The following ANO2 variants were observed in gnomAD, a reference collection of about 807,000 sequenced individuals.
ANO2 encodes anoctamin-2.
A neutral mutation model predicts 124.2 loss-of-function variants in ANO2; 101 were observed. The ratio of observed to expected loss-of-function variants is 0.81; its 90% CI spans 0.69 to 0.96. The LOEUF is 0.96. Ranked by LOEUF, ANO2 falls within the 40% of genes least tolerant of loss-of-function variation. The probability of loss-of-function intolerance (pLI) is 0.00; values close to 1 mark genes in which losing one functional copy is unlikely to be tolerated. For synonymous variants in ANO2, 486 were observed against 482.5 expected, an observed-to-expected ratio of 1.01 and a Z score of -0.09; for missense variants, 1,293 against 1,274.5, an observed-to-expected ratio of 1.01 and a Z score of -0.22.
intron 14 of ANO2, among the ~76,000 whole-genome samples, chr12:5,690,184 C>T (rs1291883402): frequency 3.3e-5 from 5 of 152,118 alleles, no homozygotes; most frequent in Admixed American, 6.5e-5. Context: ...GGATTGAAGG[C>T]GGACACCAAC....
At chr12:5,804,902 T>C (rs1433027644) in intron 9 of ANO2, among the ~76,000 whole-genome samples, 1 of 151,912 alleles carries the variant, frequency 6.6e-6, no homozygotes, top group Non-Finnish European at 1.5e-5. Flanking sequence ...TGGATGGTGA[T>C]CACCATTTAA....
chr12:5,678,195 G>T (rs1188971146), intron 14 of ANO2, among the ~76,000 whole-genome samples: 3 of 152,144 alleles, frequency 2.0e-5, no homozygotes, highest in African/African-American at 7.2e-5. Flanking sequence ...AGGTTCCTGG[G>T]GTGGCCTTAA....
At chr12:5,644,349 C>T (rs1280487335) in intron 15 of ANO2, among the ~76,000 whole-genome samples, 1 of 152,196 alleles carries the variant, frequency 6.6e-6, no homozygotes, top group Non-Finnish European at 1.5e-5. Context: ...TTCCATTGGT[C>T]TCATCATCTC....
At chr12:5,823,544 C>A (rs1211148690) in intron 7 of ANO2, among the ~76,000 whole-genome samples, 1 of 152,246 alleles carries the variant, frequency 6.6e-6, no homozygotes, top group Admixed American at 6.5e-5. Context: ...TTCCCATGGT[C>A]TTGGGCAGCT....
intron 20 of ANO2, among the ~76,000 whole-genome samples, chr12:5,593,377 T>G (rs1206238392): frequency 6.6e-6 from 1 of 152,178 alleles, no homozygotes; most frequent in Non-Finnish European, 1.5e-5. Flanking sequence ...GATAAACAGA[T>G]GACAAAAAGA....
chr12:5,626,476 C>T (rs1945412449), intron 16 of ANO2, among the ~76,000 whole-genome samples: 1 of 152,120 alleles, frequency 6.6e-6, no homozygotes, highest in African/African-American at 2.4e-5. Context: ...CGCAGTCCAG[C>T]CTCTCCCATC....
At chr12:5,824,390 C>G (rs1396769070) in intron 7 of ANO2, among the ~76,000 whole-genome samples, 1 of 152,160 alleles carries the variant, frequency 6.6e-6, no homozygotes, top group Non-Finnish European at 1.5e-5. Context: ...TACCCTAAAC[C>G]ATCTTTGTCA....
rs547686105 is a variant in ANO2 at position 5,565,766 on chromosome 12, ATGCCCT to A, written c.2622-109_2622-104del. ...GGGCTGGCTGGAGCATCAGGCACGC[ATGCCCT>A]TGGCATTGACTTGAGAAGCAGGGGG... is the stretch of plus-strand genomic sequence containing the variant. On this transcript the variant is annotated intron_variant, in intron 23 of 24. Transcript: ENST00000682330. The A allele has an allele frequency of 1.4e-4, 123 of 902,590 alleles. No homozygotes were observed. In the African/African-American group the frequency reaches 2.0e-3, roughly 15 times the overall value. The allele number at this position is 902,590 out of a possible 1,614,324, so 55.9% of individuals were successfully genotyped here.
chr12:5,848,868 C>T (rs2137245324), intron 4 of ANO2, among the ~76,000 whole-genome samples: 1 of 152,344 alleles, frequency 6.6e-6, no homozygotes, highest in South Asian at 2.1e-4. Flanking sequence ...ACCAATTGCG[C>T]TGCCTGCACA....
intron 14 of ANO2, among the ~76,000 whole-genome samples, chr12:5,704,520 AG>A (rs1565588516): frequency 2.0e-5 from 3 of 152,214 alleles, no homozygotes; most frequent in Non-Finnish European, 4.4e-5. Context: ...GAGGGAGAAT[AG>A]CCTTTTACTG....
intron 1 of ANO2, among the ~76,000 whole-genome samples, chr12:5,938,750 G>A (rs535610519): frequency 2.0e-5 from 3 of 152,050 alleles, no homozygotes; most frequent in Non-Finnish European, 2.9e-5. Flanking sequence ...GCTTGAACCC[G>A]GGAGGCAGAG....
chr12:5,678,456 C>T (rs2215736), intron 14 of ANO2, among the ~76,000 whole-genome samples: 76,323 of 151,914 alleles, frequency 0.5, 21,148 homozygotes, highest in Middle Eastern at 0.62. Flanking sequence ...AAGCCAAATT[C>T]TCGGCCTTCT....
intron 10 of ANO2, among the ~76,000 whole-genome samples, chr12:5,798,214 A>G (rs148178492): frequency 2.6e-4 from 40 of 152,024 alleles, no homozygotes; most frequent in Non-Finnish European, 5.1e-4. Context: ...GGCCCATGCC[A>G]CATGAAAGGC....
chr12:5,618,530 C>G (rs1944953920), intron 16 of ANO2, among the ~76,000 whole-genome samples: 1 of 152,184 alleles, frequency 6.6e-6, no homozygotes. Context: ...CAAGATCACA[C>G]AGCAGATAAG....
In ANO2 at chr12:5,925,054, A is replaced by G. The variant is rs898174108; in HGVS notation, c.23-2250T>C. Among the ~76,000 whole-genome samples, 5 of 152,012 alleles carry G rather than the reference A, an allele frequency of 3.3e-5. No homozygotes were observed. The highest frequency in any genetic ancestry group is 1.2e-4 in the African/African-American group (5 of 41,370). On this transcript the variant is annotated intron_variant, in intron 1 of 24. Transcript: ENST00000682330. This position sits in a 1 kb window ranked among gnomAD's most constrained non-coding sequence, Gnocchi z 4.6. ...CATGCCTGCCCCACAAGTGCCTGAG[A>G]ACAGAACTTGGAACAGAAGGACTCT...
chr12:5,618,094 C>A (rs1471199491), intron 16 of ANO2, among the ~76,000 whole-genome samples: 1 of 152,102 alleles, frequency 6.6e-6, no homozygotes, highest in Non-Finnish European at 1.5e-5. Flanking sequence ...GGGTTCAGTC[C>A]CACTGGAGAC....
chr12:5,683,466 C>A (rs986980185), intron 14 of ANO2, among the ~76,000 whole-genome samples: 2 of 152,020 alleles, frequency 1.3e-5, no homozygotes, highest in Admixed American at 6.5e-5. Context: ...AGTTAAAAAA[C>A]AGACAAGCAA....
chr12:5,565,764 G>T, intron 23 of ANO2, 101 bp from the exon 24 acceptor site: 1 of 905,044 alleles, frequency 1.1e-6, no homozygotes, highest in South Asian at 1.8e-5. Context: ...CATCAGGCAC[G>T]CATGCCCTTG....
chr12:5,610,561 T>C (rs1310931100), intron 19 of ANO2, among the ~76,000 whole-genome samples: 1 of 142,260 alleles, frequency 7.0e-6, no homozygotes, highest in Non-Finnish European at 1.5e-5. Flanking sequence ...ATAAAATATA[T>C]ATAAAACAAA....
Sources: allele counts gnomAD v4.1 joint callset (sites outside exome capture counted in the v4.1 genomes callset), GRCh38; gene constraint gnomAD v4.1.1; non-coding constraint Gnocchi (gnomAD v3.1); transcripts MANE v1.5; gene names NCBI Gene and HGNC (gene_info 2026-07-23, HGNC 2026-07-21).